The following PLK4 variants were observed in gnomAD, a reference collection of about 807,000 sequenced individuals.
PLK4 encodes polo like kinase 4.
In PLK4, 51 loss-of-function variants were observed where a neutral mutation model predicts 103.0. The observed-to-expected ratio is 0.50, with a 90% CI of 0.40 to 0.63. The LOEUF is 0.63. Among genes scored for constraint, PLK4 ranks in the 20% least tolerant of loss-of-function variants. The pLI is 0.00. For missense variants in PLK4, 1,054 were observed against 1,151.0 expected, an observed-to-expected ratio of 0.92 and a Z score of 1.22; for synonymous variants, 389 against 376.8, an observed-to-expected ratio of 1.03 and a Z score of -0.38.
intron 8 of PLK4, 133 bp downstream of exon 8, chr4:127,891,329 A>G (rs370345160): frequency 2.0e-4 from 94 of 474,302 alleles, no homozygotes; most frequent in African/African-American, 1.6e-3. Flanking sequence ...TCTGGAATTC[A>G]AAAATTGAAA....
chr4:127,896,772 G>GCTTATTT, intron 14 of PLK4, 29 bp from the exon 15 acceptor site: 1 of 1,266,794 alleles, frequency 7.9e-7, no homozygotes, highest in Non-Finnish European at 1.1e-6. Flanking sequence ...TTCTGTGCCT[G>GCTTATTT]TTCTTACCCA....
Position 127,886,520 on chromosome 4 carries a change from A to G in PLK4, c.1150A>G (p.Thr384Ala). The change falls in exon 5 of 16, where the codon ACT becomes GCT. Residue 384 changes from threonine (T) to alanine (A), a missense_variant. Physicochemically the swap from Thr to Ala is moderately conservative, Grantham distance 58 (BLOSUM62 0). Around this residue, in one of 4 missense-constraint regions of PLK4, gnomAD observed 680 missense variants for 660.3 expected, o/e 1.03. Coordinates refer to ENST00000270861, the MANE Select transcript of PLK4 (RefSeq NM_014264.5). Reference protein sequence around the residue: ...RRAYSSDRSGTSNSQSQAKTY... With the variant: ...RRAYSSDRSGASNSQSQAKTY... ...AGCTTATTCCTCTGATAGATCTGGC[A>G]CTTCTAATAGTCAGTCTCAAGCAAA... 1 of 1,613,984 alleles carries G rather than the reference A, an allele frequency of 6.2e-7. No homozygotes were observed. The highest frequency in any genetic ancestry group is 8.5e-7 in the Non-Finnish European group (1 of 1,179,858).
At chr4:127,897,984 A>G (rs890472620) in intron 15 of PLK4, among the ~76,000 whole-genome samples, 1 of 151,584 alleles carries the variant, frequency 6.6e-6, no homozygotes, top group Non-Finnish European at 1.5e-5. Flanking sequence ...GATTACAGGC[A>G]TACGCCACCA....
chr4:127,896,940 C>G (rs750466805), intron 15 of PLK4, 33 bp downstream of exon 15: 2 of 1,104,310 alleles, frequency 1.8e-6, no homozygotes, highest in Admixed American at 3.7e-5. Context: ...GAGATTCAGC[C>G]CTTTGCTATA....
At chr4:127,884,736 A>G (rs1735054143) in intron 4 of PLK4, among the ~76,000 whole-genome samples, 1 of 152,150 alleles carries the variant, frequency 6.6e-6, no homozygotes, top group South Asian at 2.1e-4. Context: ...CAGGAGATCA[A>G]GACCATCCTG....
chr4:127,888,870 T>C (rs943007516), intron 6 of PLK4, among the ~76,000 whole-genome samples: 2 of 152,222 alleles, frequency 1.3e-5, no homozygotes, highest in Non-Finnish European at 2.9e-5. Flanking sequence ...GAGTCTATTC[T>C]CTTTTTTTAA....
At chr4:127,881,355 A>T in intron 1 of PLK4, 191 bp downstream of exon 1, 1 of 1,445,140 alleles carries the variant, frequency 6.9e-7, no homozygotes, top group African/African-American at 1.4e-5. Context: ...AGACAAGAGT[A>T]GGGAAGGCGG....
Position 127,892,428 on chromosome 4 carries a change from C to A in PLK4, c.2102C>A (p.Pro701His), listed in dbSNP as rs766067354. 4 of 1,585,298 alleles carry A rather than the reference C, an allele frequency of 2.5e-6. No homozygotes were observed. Among genetic ancestry groups the A allele is most frequent in the Non-Finnish European group, 3.4e-6 (4 of 1,168,114 alleles). Residue 701 changes from proline (P) to histidine (H), a missense_variant, in exon 10 of 16, where the codon CCC becomes CAC. Pro to His is a moderately conservative substitution (Grantham distance 77). This residue lies in a region of PLK4 where 680 missense variants were observed against 660.3 expected (regional missense o/e 1.03). Coordinates refer to ENST00000270861, the MANE Select transcript of PLK4 (RefSeq NM_014264.5). ...RFVQLVRSKS[P>H]KITYFTRYAK... Reference sequence around the variant, plus strand: ...GTACAGCTTGTAAGATCTAAATCTCCCAAAATCACTTATTTTACAAGATAT... The same window carrying A: ...GTACAGCTTGTAAGATCTAAATCTCACAAAATCACTTATTTTACAAGATAT...
intron 15 of PLK4, among the ~76,000 whole-genome samples, chr4:127,898,163 C>T (rs897782787): frequency 1.4e-4 from 21 of 151,968 alleles, no homozygotes; most frequent in Non-Finnish European, 1.5e-5. Context: ...ATGAGGAATC[C>T]AGATTTTTGG....
intron 6 of PLK4, among the ~76,000 whole-genome samples, chr4:127,887,935 T>C (rs1450542438): frequency 1.3e-5 from 2 of 148,178 alleles, no homozygotes; most frequent in Admixed American, 1.3e-4. Context: ...ATCCTAGTAC[T>C]TTGGGAGGCC....
chr4:127,883,033 G>C (rs534805388), intron 2 of PLK4, among the ~76,000 whole-genome samples: 3 of 152,048 alleles, frequency 2.0e-5, no homozygotes, highest in Admixed American at 6.6e-5. Flanking sequence ...TGTGCTATTA[G>C]ATTATTTAAA....
In PLK4 at chr4:127,892,510, T is replaced by C. The variant is rs746029269; in HGVS notation, c.2184T>C (p.Tyr728=). 50 of 1,607,642 alleles carry C rather than the reference T, an allele frequency of 3.1e-5. 2 individuals carry two copies. In the South Asian group the frequency reaches 5.2e-4, roughly 17 times the overall value. Residue 728 remains tyrosine (Y), a synonymous_variant, in exon 10 of 16, where the codon TAT becomes TAC. Coordinates refer to ENST00000270861, the MANE Select transcript of PLK4 (RefSeq NM_014264.5). ...GTGCTGATTTTGAGGTTTGGTTTTA[T>C]GATGGTAAGTACCATTTGGAAATGG... ...SPGADFEVWF[Y]DGVKIHKTED... is the part of the protein sequence containing the mutation.
intron 2 of PLK4, among the ~76,000 whole-genome samples, chr4:127,882,293 C>A (rs767418514): frequency 6.6e-6 from 1 of 152,112 alleles, no homozygotes; most frequent in Non-Finnish European, 1.5e-5. Flanking sequence ...TAGAAGTCAG[C>A]CTAATAGGAG....
intron 14 of PLK4, among the ~76,000 whole-genome samples, chr4:127,895,929 A>C (rs1011325844): frequency 6.6e-6 from 1 of 152,174 alleles, no homozygotes; most frequent in Non-Finnish European, 1.5e-5. Context: ...TTGAGTTTCA[A>C]ACTTATAGAA....
chr4:127,888,760 T>C (rs1421347364), intron 6 of PLK4, among the ~76,000 whole-genome samples: 1 of 152,106 alleles, frequency 6.6e-6, no homozygotes, highest in African/African-American at 2.4e-5. Context: ...AAGAGACATA[T>C]GGAGAGGAGG....
chr4:127,888,511 A>C (rs1297027979), intron 6 of PLK4, among the ~76,000 whole-genome samples: 1 of 152,184 alleles, frequency 6.6e-6, no homozygotes, highest in Non-Finnish European at 1.5e-5. Context: ...ATCAGTGCCC[A>C]TAAAATAATG....
In PLK4 at chr4:127,893,901, T is replaced by C. The variant is rs1735462921; in HGVS notation, c.2562+20T>C. On this transcript the variant is annotated intron_variant, in intron 13 of 15. Transcript: ENST00000270861. ...CCCTCTGTAAGTAAATATATGTCAC[T>C]TCTGTACTTTAAACCTTTCAATGAT... 8.0e-7 allele frequency: 1 copy of C among 1,256,134 alleles called. No homozygotes were observed. Among genetic ancestry groups the C allele is most frequent in the African/African-American group, 1.5e-5 (1 of 67,448 alleles). The allele number at this position is 1,256,134 out of a possible 1,614,324, so 77.8% of individuals were successfully genotyped here. A position where few individuals can be genotyped will look rare whatever the true frequency, so the allele number is the denominator to read the frequency against.
chr4:127,886,965 G>T (rs979743443), intron 5 of PLK4, among the ~76,000 whole-genome samples: 1 of 152,050 alleles, frequency 6.6e-6, no homozygotes, highest in African/African-American at 2.4e-5. Context: ...TTTATATGGA[G>T]TGAGTCTCCA....
At chr4:127,895,797 C>T (rs941494749) in intron 14 of PLK4, among the ~76,000 whole-genome samples, 1 of 152,110 alleles carries the variant, frequency 6.6e-6, no homozygotes, top group Non-Finnish European at 1.5e-5. Context: ...GGTGTGATGT[C>T]ACGTGCCTAT....
Sources: allele counts gnomAD v4.1 joint callset (sites outside exome capture counted in the v4.1 genomes callset), GRCh38; gene constraint gnomAD v4.1.1; regional missense constraint gnomAD v4.1.1; transcripts MANE v1.5; gene names NCBI Gene and HGNC (gene_info 2026-07-23, HGNC 2026-07-21).